The following GOLGA6L2 variants were observed in gnomAD, a reference collection of about 807,000 sequenced individuals.
GOLGA6L2 encodes the protein golgin subfamily A member 6-like protein 2.
In GOLGA6L2, 30 loss-of-function variants were observed where a neutral mutation model predicts 35.9. That is an observed-to-expected ratio of 0.83 (90% CI 0.62 to 1.13). The LOEUF (loss-of-function observed/expected upper bound fraction) is 1.13, where lower values mean the gene tolerates loss of function less well. Ranked by LOEUF, GOLGA6L2 falls within the 50% of genes most tolerant of loss-of-function variation. The pLI is 0.00. For missense variants in GOLGA6L2, 821 were observed against 973.4 expected, an observed-to-expected ratio of 0.84 and a Z score of 2.08; for synonymous variants, 297 against 344.0, an observed-to-expected ratio of 0.86 and a Z score of 1.51.
chr15:23,442,413 G>A, intron 6 of GOLGA6L2, 37 bp downstream of exon 6: 1 of 1,572,670 alleles, frequency 6.4e-7, no homozygotes, highest in Non-Finnish European at 8.6e-7. Context: ...CACGCTAAGG[G>A]CCCCCAGACC....
At chr15:23,443,617 C>T (rs1177378320) in intron 5 of GOLGA6L2, among the ~76,000 whole-genome samples, 160 bp downstream of exon 5, 1 of 152,202 alleles carries the variant, frequency 6.6e-6, no homozygotes, top group African/African-American at 2.4e-5. Flanking sequence ...GCAGCTGACT[C>T]AGCCCCAACC....
At position 23,439,789 on chromosome 15, in the gene GOLGA6L2, C is replaced by T. The variant is rs2070627167; in HGVS notation, c.2686G>A (p.Ala896Thr). Reference protein sequence around the residue: ...DAGEAARARGAVLRALPPSLQ... With the variant: ...DAGEAARARGTVLRALPPSLQ... ...GAGGGAGGCAGGGCTCTGAGCACCG[C>T]TCCTCGTGCTCTGGCAGCCTCTCCT... The change falls in exon 8 of 8, where the codon GCG (alanine) becomes ACG (threonine). Residue 896 changes from alanine (A) to threonine (T), a missense_variant. Around this residue, in one of 7 missense-constraint regions of GOLGA6L2, gnomAD observed 48 missense variants for 42.7 expected, o/e 1.12. Coordinates refer to ENST00000567107, the MANE Select transcript of GOLGA6L2 (RefSeq NM_001304388.2). The T allele has an allele frequency of 6.5e-7, 1 of 1,533,846 alleles. No homozygotes were observed. The highest frequency in any genetic ancestry group is 1.4e-5 in the African/African-American group (1 of 72,288).
intron 1 of GOLGA6L2, among the ~76,000 whole-genome samples, chr15:23,446,012 A>G (rs1219011628): frequency 6.6e-6 from 1 of 152,150 alleles, no homozygotes; most frequent in Non-Finnish European, 1.5e-5. Context: ...AAGATGCCCC[A>G]TATGTATCCT....
At position 23,447,132 on chromosome 15, in the gene GOLGA6L2, G is replaced by GT. The variant is rs775006036; in HGVS notation, c.49dup (p.Thr17AsnfsTer8). 1.1e-4 allele frequency: 120 copies of GT among 1,086,860 alleles called. No individual in the cohort carries two copies. The highest frequency in any genetic ancestry group is 1.5e-4 in the Non-Finnish European group (116 of 770,094). The allele number at this position is 1,086,860 out of a possible 1,614,324, so 67.3% of individuals were successfully genotyped here. A position where few individuals can be genotyped will look rare whatever the true frequency, so the allele number is the denominator to read the frequency against. On this transcript the variant is annotated frameshift_variant, in exon 1 of 8. Transcript: ENST00000567107. LOFTEE classifies it high-confidence loss of function. ...GGCCTCAGCCAATTTGTTCTGTCTG[G>GT]TTTTTTCTGACATCATGGGGTGGGG...
Position 23,439,834 on chromosome 15 carries a change from T to A in GOLGA6L2, c.2641A>T (p.Arg881Ter). Reference protein sequence around the residue: ...GDAREGGEDTRSEREDAGEAA... With the variant: ...GDAREGGEDT ...TCTCCTGCATCTTCTCTTTCTGATCTCGTATCCTCTCCTCCTTCTCTCGCA... is the reference window on the plus strand; with the variant it reads ...TCTCCTGCATCTTCTCTTTCTGATCACGTATCCTCTCCTCCTTCTCTCGCA... Residue 881 changes from arginine (R) to a stop codon, truncating the protein, a stop_gained, in exon 8 of 8, where the codon AGA becomes TGA. Coordinates refer to ENST00000567107, the MANE Select transcript of GOLGA6L2 (RefSeq NM_001304388.2). LOFTEE classifies it low-confidence loss of function (END_TRUNC). 1 of 1,515,272 alleles carries A rather than the reference T, an allele frequency of 6.6e-7. No individual in the cohort carries two copies. The allele number at this position is 1,515,272 out of a possible 1,614,324, so 93.9% of individuals were successfully genotyped here. A position where few individuals can be genotyped will look rare whatever the true frequency, so the allele number is the denominator to read the frequency against.
Position 23,439,783 on chromosome 15 carries a change from G to A in GOLGA6L2, c.2692C>T (p.Leu898Phe). Residue 898 changes from leucine to phenylalanine, a missense_variant, in exon 8 of 8, where the codon CTC becomes TTC. Leu to Phe is a conservative substitution (Grantham distance 22). Coordinates refer to ENST00000567107, the MANE Select transcript of GOLGA6L2 (RefSeq NM_001304388.2). ...GEAARARGAVLRALPPSLQSS... is the reference protein window; with the variant it reads ...GEAARARGAVFRALPPSLQSS... ...TGGAGGGAGGGAGGCAGGGCTCTGA[G>A]CACCGCTCCTCGTGCTCTGGCAGCC... 6.5e-7 allele frequency: 1 copy of A among 1,534,044 alleles called. No homozygotes were observed. Among genetic ancestry groups the A allele is most frequent in the Admixed American group, 2.0e-5 (1 of 50,522 alleles).
At chr15:23,441,817 T>C in intron 7 of GOLGA6L2, 135 bp from the exon 8 acceptor site, 2 of 1,358,800 alleles carry the variant, frequency 1.5e-6, no homozygotes, top group South Asian at 1.6e-5. Flanking sequence ...GGCCCCAAAT[T>C]TGTAGATTTT....
At chr15:23,442,563 G>T in intron 5 of GOLGA6L2, 55 bp from the exon 6 acceptor site, 3 of 1,519,008 alleles carry the variant, frequency 2.0e-6, no homozygotes, top group South Asian at 1.2e-5. Flanking sequence ...GCAGCTGGCC[G>T]ACCAGGAACA....
At position 23,439,255 on chromosome 15, in the gene GOLGA6L2, G is replaced by A. The variant is rs527405104; in HGVS notation, c.*490C>T. Among the ~76,000 whole-genome samples the A allele has an allele frequency of 6.1e-5, 9 of 148,022 alleles. No homozygotes were observed. The highest frequency in any genetic ancestry group is 2.2e-4 in the African/African-American group (9 of 40,190). ...AGCCTCCTGAGTAGCTGTGATTACA[G>A]GCGTGCACAACCACGCCCGGCTAAC... On this transcript the variant is annotated 3_prime_UTR_variant, in exon 8 of 8. Transcript: ENST00000567107.
In GOLGA6L2 at chr15:23,441,259, G is replaced by GCCTCTCGTCCTGCTCCCACAT; in HGVS notation, c.1195_1215dup (p.Met399_Arg405dup). On this transcript the variant is annotated inframe_insertion, in exon 8 of 8. Coordinates refer to ENST00000567107, the MANE Select transcript of GOLGA6L2 (RefSeq NM_001304388.2). Reference sequence around the variant, plus strand: ...CGCATCCTCTCCTCCTTCTCCCGTAGCCTCTCGTCCTGCTCCCACATCCTC... The same window carrying GCCTCTCGTCCTGCTCCCACAT: ...CGCATCCTCTCCTCCTTCTCCCGTAGCCTCTCGTCCTGCTCCCACATCCTCTCGTCCTGCTCCCACATCCTC... The GCCTCTCGTCCTGCTCCCACAT allele has an allele frequency of 6.5e-7, 1 of 1,530,104 alleles. No homozygotes were observed. The highest frequency in any genetic ancestry group is 1.7e-4 in the Middle Eastern group (1 of 5,894). The allele number at this position is 1,530,104 out of a possible 1,614,324, so 94.8% of individuals were successfully genotyped here.
At chr15:23,446,123 C>T (rs1237855551) in intron 1 of GOLGA6L2, among the ~76,000 whole-genome samples, 2 of 152,194 alleles carry the variant, frequency 1.3e-5, no homozygotes, top group Non-Finnish European at 2.9e-5. Context: ...GCAAATCTCA[C>T]TTCAGAGATC....
chr15:23,441,878 T>G, intron 7 of GOLGA6L2, 101 bp downstream of exon 7: 1 of 1,444,990 alleles, frequency 6.9e-7, no homozygotes, highest in South Asian at 1.4e-5. Flanking sequence ...GACCCAAATT[T>G]TCCAGCTCTT....
At chr15:23,444,124 T>C (rs770650054) in intron 4 of GOLGA6L2, 38 bp downstream of exon 4, 17 of 1,598,626 alleles carry the variant, frequency 1.1e-5, no homozygotes, top group Non-Finnish European at 1.4e-5. Context: ...AAAAACCTTC[T>C]CCAGAGGACA....
chr15:23,441,970 GCCGCTCA>G lies in GOLGA6L2; in HGVS notation c.792+2_792+8del. 1 of 1,542,858 alleles carries G rather than the reference GCCGCTCA, an allele frequency of 6.5e-7. No homozygotes were observed. Among genetic ancestry groups the G allele is most frequent in the Non-Finnish European group, 8.7e-7 (1 of 1,151,706 alleles). On this transcript the variant is annotated splice_donor_variant and splice_donor_5th_base_variant and intron_variant, in intron 7 of 7. Transcript: ENST00000567107. LOFTEE classifies it high-confidence loss of function. The stretch of plus-strand genomic sequence containing the variant: ...GTCTCCCACAACCCCTGGGGCTGCA[GCCGCTCA>G]CCTGTGGCAGCAGGAACTTGGCCCT...
rs2070691038 is a variant in GOLGA6L2, at chr15:23,441,514, TCTC to T, written c.958_960del (p.Glu320del). 4 of 1,362,550 alleles carry T rather than the reference TCTC, an allele frequency of 2.9e-6. No homozygotes were observed. The highest frequency in any genetic ancestry group is 3.9e-6 in the Non-Finnish European group (4 of 1,028,610). 84.4% of individuals were successfully genotyped at this position (1,362,550 alleles called of 1,614,324 possible). ...TCCTTCTCCTGCTCTCGCAGCCTCTTCTCCTGTCTCCGCATCTTCTCCTCCTGC... is the reference window on the plus strand; with the variant it reads ...TCCTTCTCCTGCTCTCGCAGCCTCTTCTGTCTCCGCATCTTCTCCTCCTGC... On this transcript the variant is annotated inframe_deletion, in exon 8 of 8. Coordinates refer to ENST00000567107, the MANE Select transcript of GOLGA6L2 (RefSeq NM_001304388.2).
At position 23,441,496 on chromosome 15, in the gene GOLGA6L2, C is replaced by T; in HGVS notation, c.979G>A (p.Glu327Lys). 1.4e-6 allele frequency: 2 copies of T among 1,403,680 alleles called. No homozygotes were observed. Among genetic ancestry groups the T allele is most frequent in the Non-Finnish European group, 1.9e-6 (2 of 1,048,672 alleles). The allele number at this position is 1,403,680 out of a possible 1,614,324, so 87.0% of individuals were successfully genotyped here. A position where few individuals can be genotyped will look rare whatever the true frequency, so the allele number is the denominator to read the frequency against. Reference protein sequence around the residue: ...RRQEKRLREQEKELREQEKEL... With the variant: ...RRQEKRLREQKKELREQEKEL... The stretch of plus-strand genomic sequence containing the variant: ...TTCTCCTGCTCCCGCAGCTCCTTCT[C>T]CTGCTCTCGCAGCCTCTTCTCCTGT... The change falls in exon 8 of 8, where the codon GAG (glutamate) becomes AAG (lysine). Residue 327 changes from glutamate (E) to lysine (K), a missense_variant. Glu to Lys is a moderately conservative substitution (Grantham distance 56, BLOSUM62 1). Around this residue, in one of 7 missense-constraint regions of GOLGA6L2, gnomAD observed 614 missense variants for 632.3 expected, o/e 0.97. Transcript: ENST00000567107.
chr15:23,444,181 G>C lies in GOLGA6L2; in HGVS notation c.275C>G (p.Ala92Gly). ...EKKASHQHQE[A>G]LRREIEAQDH... is the part of the protein sequence containing the mutation. ...ACTCACCTCTATCTCCCGCCTTAGG[G>C]CTTCCTGATGTTGGTGGCTTGCCTT... The change falls in exon 4 of 8, where the codon GCC (alanine) becomes GGC (glycine). Residue 92 changes from alanine to glycine, a missense_variant. Around this residue, in one of 7 missense-constraint regions of GOLGA6L2, gnomAD observed 614 missense variants for 632.3 expected, o/e 0.97. Transcript: ENST00000567107. 1 of 1,604,746 alleles carries C rather than the reference G, an allele frequency of 6.2e-7. No individual in the cohort carries two copies. The highest frequency in any genetic ancestry group is 8.5e-7 in the Non-Finnish European group (1 of 1,179,254).
Position 23,443,228 on chromosome 15 carries a change from T to C in GOLGA6L2, c.591+549A>G, listed in dbSNP as rs1412653401. ...GATAAGAAGGAGGAAATTAATCCTT[T>C]GTTGACTTTTTGAAAGAACGATACA... On this transcript the variant is annotated intron_variant, in intron 5 of 7. Transcript: ENST00000567107. Among the ~76,000 whole-genome samples the C allele has an allele frequency of 5.9e-5, 9 of 152,262 alleles. No homozygotes were observed. The East Asian group carries it at 1.7e-3, about 29-fold the overall frequency.
intron 3 of GOLGA6L2, 110 bp from the exon 4 acceptor site, chr15:23,444,322 C>A: frequency 2.0e-6 from 3 of 1,472,172 alleles, no homozygotes; most frequent in Non-Finnish European, 2.8e-6. Context: ...CCCATGGGAC[C>A]AGGTTATCAG....
Sources: gnomAD v4.1 joint callset for allele counts (sites outside exome capture counted in the v4.1 genomes callset) on GRCh38, gnomAD v4.1.1 for gene constraint, gnomAD v4.1.1 regional missense constraint, MANE v1.5 for transcripts, NCBI Gene and HGNC (gene_info 2026-07-23, HGNC 2026-07-21) for gene names.